SAXO1: variants seen among roughly 807,000 people sequenced by gnomAD.
SAXO1 encodes 4930500O09Rik.
SAXO1 carries 21 observed loss-of-function variants against 17.5 expected under a neutral mutation model. The observed-to-expected ratio is 1.20, with a 90% CI of 0.85 to 1.72. The LOEUF is 1.72. SAXO1 is among the 40% of genes most tolerant of loss of function. SAXO1 has a pLI of 0.00. For synonymous variants in SAXO1, 274 were observed against 216.5 expected, an observed-to-expected ratio of 1.27 and a Z score of -2.33; for missense variants, 843 against 596.0, an observed-to-expected ratio of 1.41 and a Z score of -4.32.
At chr9:19,033,752 G>C (rs1397653797), upstream of SAXO1, among the ~76,000 whole-genome samples, 1 of 152,188 alleles carries the variant, frequency 6.6e-6, no homozygotes, top group Admixed American at 6.5e-5. Context: ...TCAAATTCTA[G>C]TTGGCATCAG....
At chr9:19,024,461 G>A (rs1044467043) in intron 1 of SAXO1, among the ~76,000 whole-genome samples, 3 of 151,708 alleles carry the variant, frequency 2.0e-5, no homozygotes, top group African/African-American at 7.3e-5. Flanking sequence ...GCGAGGGGGG[G>A]AGGGATAGCA....
At position 19,033,002 on chromosome 9, in the gene SAXO1, C is replaced by A; in HGVS notation, c.-94G>T. 1.5e-6 allele frequency: 2 copies of A among 1,342,364 alleles called. No individual in the cohort carries two copies. Among genetic ancestry groups the A allele is most frequent in the Non-Finnish European group, 1.0e-6 (1 of 997,546 alleles). 83.2% of individuals were successfully genotyped at this position (1,342,364 alleles called of 1,614,324 possible). A position where few individuals can be genotyped will look rare whatever the true frequency, so the allele number is the denominator to read the frequency against. On this transcript the variant is annotated 5_prime_UTR_variant, in exon 1 of 4. Coordinates refer to ENST00000380534, the MANE Select transcript of SAXO1 (RefSeq NM_153707.4). ...CCACCTGTCTTGGGGCACGCCCAGG[C>A]TCGAGGGTCTTGGCAGGTGTTCTGT...
intron 2 of SAXO1, among the ~76,000 whole-genome samples, chr9:18,944,803 A>C (rs1337046407): frequency 6.6e-6 from 1 of 152,232 alleles, no homozygotes; most frequent in African/African-American, 2.4e-5. Flanking sequence ...TGAGCCTGGC[A>C]GTGGGAAATG....
At position 18,929,050 on chromosome 9, in the gene SAXO1, A is replaced by G; in HGVS notation, c.427T>C (p.Tyr143His). 1 of 1,613,454 alleles carries G rather than the reference A, an allele frequency of 6.2e-7. No homozygotes were observed. Among genetic ancestry groups the G allele is most frequent in the Non-Finnish European group, 8.5e-7 (1 of 1,179,750 alleles). The part of the protein sequence containing the change: ...MECLPTYKAD[Y>H]LPWNQPRREP... ...CGCCTTGGTTGGTTCCAAGGCAAAT[A>G]ATCAGCTGAAATTAAAGCAGAAGAG... The change falls in exon 4 of 4, where the codon TAT becomes CAT. Residue 143 changes from tyrosine to histidine, a missense_variant. Coordinates refer to ENST00000380534, the MANE Select transcript of SAXO1 (RefSeq NM_153707.4).
upstream of SAXO1, among the ~76,000 whole-genome samples, chr9:19,033,566 A>G (rs575024443): frequency 2.6e-5 from 4 of 152,350 alleles, no homozygotes; most frequent in South Asian, 8.3e-4. Flanking sequence ...CAGGGTTTCC[A>G]GATCTTCCTG....
intron 1 of SAXO1, among the ~76,000 whole-genome samples, chr9:19,002,624 C>G (rs1242525852): frequency 6.6e-6 from 1 of 152,190 alleles, no homozygotes; most frequent in Non-Finnish European, 1.5e-5. Flanking sequence ...ATCACATGAA[C>G]AGAACCAAAG....
intron 1 of SAXO1, among the ~76,000 whole-genome samples, chr9:18,959,395 A>G (rs1185622796): frequency 1.3e-5 from 2 of 152,148 alleles, no homozygotes; most frequent in Admixed American, 6.5e-5. Context: ...AGACAACTTG[A>G]GAGGGGAGAG....
rs149549686 is a variant in SAXO1, at chr9:18,941,837, C to A, written c.221G>T (p.Arg74Ile). Reference protein sequence around the residue: ...IPMEGLTTSRRDFGPHKVAPV... With the variant: ...IPMEGLTTSRIDFGPHKVAPV... ...TGCCACTTTGTGAGGCCCAAAATCTCTCCTGTAAGGAAGCAAGTGCATGCT... is the reference window on the plus strand; with the variant it reads ...TGCCACTTTGTGAGGCCCAAAATCTATCCTGTAAGGAAGCAAGTGCATGCT... The change falls in exon 3 of 4, where the codon AGA becomes ATA. Residue 74 changes from arginine to isoleucine, a missense_variant and splice_region_variant. Physicochemically the swap from Arg to Ile is moderately conservative, Grantham distance 97. Transcript: ENST00000380534. 19 of 1,614,074 alleles carry A rather than the reference C, an allele frequency of 1.2e-5. No homozygotes were observed. In the African/African-American group the frequency reaches 2.0e-4, roughly 17 times the overall value.
intron 1 of SAXO1, among the ~76,000 whole-genome samples, chr9:18,967,165 G>C (rs28805064): frequency 0.048 from 7,323 of 152,260 alleles, 181 homozygotes; most frequent in Middle Eastern, 0.082. Flanking sequence ...GAGCTCTCCT[G>C]TATGAGGTGT....
chr9:18,965,324 T>A (rs1272700183), intron 1 of SAXO1, among the ~76,000 whole-genome samples: 1 of 152,156 alleles, frequency 6.6e-6, no homozygotes, highest in Non-Finnish European at 1.5e-5. Flanking sequence ...TAATTTTGTC[T>A]TGTTGACCTA....
intron 1 of SAXO1, among the ~76,000 whole-genome samples, chr9:19,028,411 T>C (rs1034448346): frequency 1.3e-5 from 2 of 152,138 alleles, no homozygotes; most frequent in Non-Finnish European, 2.9e-5. Context: ...CGGAGTAGCA[T>C]TTTTTCAATA....
chr9:18,940,984 T>C (rs1056609615), intron 3 of SAXO1, among the ~76,000 whole-genome samples: 2 of 152,094 alleles, frequency 1.3e-5, no homozygotes, highest in Non-Finnish European at 2.9e-5. Flanking sequence ...AGAAATGGAG[T>C]AGTAATGTTT....
intron 1 of SAXO1, chr9:19,027,227 A>G: frequency 1.7e-6 from 2 of 1,161,718 alleles, no homozygotes; most frequent in Middle Eastern, 2.0e-4. Flanking sequence ...AAACCTCTAC[A>G]CGACAGACAT....
chr9:19,019,439 A>G (rs1425985903), intron 1 of SAXO1, among the ~76,000 whole-genome samples: 2 of 152,030 alleles, frequency 1.3e-5, no homozygotes, highest in Admixed American at 6.5e-5. Context: ...CAGAAAAAGT[A>G]TACTTCGGCC....
At chr9:19,023,875 T>G (rs963482587) in intron 1 of SAXO1, among the ~76,000 whole-genome samples, 1 of 151,952 alleles carries the variant, frequency 6.6e-6, no homozygotes, top group Non-Finnish European at 1.5e-5. Flanking sequence ...CCAGGCACAG[T>G]AGCTCCTCAC....
At chr9:19,021,746 G>T (rs374767778) in intron 1 of SAXO1, among the ~76,000 whole-genome samples, 1 of 152,214 alleles carries the variant, frequency 6.6e-6, no homozygotes, top group Non-Finnish European at 1.5e-5. Flanking sequence ...CTAAAGGATT[G>T]CAAATGCACC....
At chr9:19,023,140 T>TCCCCCCCCCCCCCCC (rs200594848) in intron 1 of SAXO1, among the ~76,000 whole-genome samples, 1 of 100,830 alleles carries the variant, frequency 9.9e-6, no homozygotes, top group Non-Finnish European at 2.0e-5. Flanking sequence ...CCAGATTACA[T>TCCCCCCCCCCCCCCC]CCCCCCCCAC....
intron 1 of SAXO1, among the ~76,000 whole-genome samples, chr9:19,045,062 G>A (rs1218291832): frequency 6.6e-6 from 1 of 151,548 alleles, no homozygotes; most frequent in Non-Finnish European, 1.5e-5. Context: ...TGTAATCCCA[G>A]CACTTTGGGA....
At chr9:19,027,702 C>A in intron 1 of SAXO1, 2 of 1,362,590 alleles carry the variant, frequency 1.5e-6, no homozygotes, top group Non-Finnish European at 2.1e-6. Flanking sequence ...GAGCTGGATG[C>A]CATAGGCACC....
Sources: allele counts gnomAD v4.1 joint callset (sites outside exome capture counted in the v4.1 genomes callset), GRCh38; gene constraint gnomAD v4.1.1; transcripts MANE v1.5; gene names NCBI Gene and HGNC (gene_info 2026-07-23, HGNC 2026-07-21).